The following MAGI2 variants were observed in gnomAD, a reference collection of about 807,000 sequenced individuals.
MAGI2 encodes the protein membrane associated guanylate kinase, WW and PDZ domain containing 2.
A neutral mutation model predicts 133.3 loss-of-function variants in MAGI2; 35 were observed. The observed-to-expected ratio is 0.26, with a 90% confidence interval of 0.20 to 0.35. MAGI2 has a LOEUF of 0.35. Ranked by LOEUF, MAGI2 falls within the 10% of genes least tolerant of loss-of-function variation. The pLI, the probability that MAGI2 is intolerant of heterozygous loss-of-function variation, is 1.00. For synonymous variants in MAGI2, 729 were observed against 710.6 expected, an observed-to-expected ratio of 1.03 and a Z score of -0.41; for missense variants, 1,636 against 1,863.4, an observed-to-expected ratio of 0.88 and a Z score of 2.25.
chr7:79,258,504 G>A (rs1234378482), intron 1 of MAGI2, among the ~76,000 whole-genome samples: 1 of 152,132 alleles, frequency 6.6e-6, no homozygotes, highest in East Asian at 1.9e-4. Flanking sequence ...CCAGGGGGAG[G>A]CTCTGCTCTT....
intron 2 of MAGI2, among the ~76,000 whole-genome samples, chr7:78,884,532 A>C (rs1295619499): frequency 6.6e-6 from 1 of 152,146 alleles, no homozygotes; most frequent in African/African-American, 2.4e-5. Flanking sequence ...GATAGTTCTT[A>C]AAAGAAGACA....
At chr7:79,138,057 A>G (rs546999833) in intron 1 of MAGI2, among the ~76,000 whole-genome samples, 1 of 152,312 alleles carries the variant, frequency 6.6e-6, no homozygotes, top group East Asian at 1.9e-4. Context: ...TCTGGAAGCT[A>G]GAAAAGGCAA....
At chr7:79,406,635 T>A (rs886711698) in intron 1 of MAGI2, among the ~76,000 whole-genome samples, 2 of 152,140 alleles carry the variant, frequency 1.3e-5, no homozygotes, top group African/African-American at 4.8e-5. Flanking sequence ...GGCAATATAA[T>A]CATTTTTTCA....
At chr7:78,832,113 T>C (rs1791220019) in intron 2 of MAGI2, among the ~76,000 whole-genome samples, 1 of 151,948 alleles carries the variant, frequency 6.6e-6, no homozygotes, top group Non-Finnish European at 1.5e-5. Flanking sequence ...ATATCTGAAT[T>C]AGAAACATGA....
rs549128569 is a variant in MAGI2, at chr7:79,218,577, C to T, written c.302-211371G>A. On this transcript the variant is annotated intron_variant, in intron 1 of 21. Coordinates refer to ENST00000354212, the MANE Select transcript of MAGI2 (RefSeq NM_012301.4). Reference sequence around the variant, plus strand: ...CTGTACCATTTGCACAGAGTGAAGGCTTCATGTTTATTCTTTTCTTACTCT... The same window carrying T: ...CTGTACCATTTGCACAGAGTGAAGGTTTCATGTTTATTCTTTTCTTACTCT... Among the ~76,000 whole-genome samples, 93 of 152,110 alleles carry T rather than the reference C, an allele frequency of 6.1e-4. 1 individual carries two copies. The highest frequency in any genetic ancestry group is 2.1e-3 in the African/African-American group (88 of 41,426).
chr7:78,547,860 A>G (rs1435365525), intron 3 of MAGI2, among the ~76,000 whole-genome samples: 1 of 152,212 alleles, frequency 6.6e-6, no homozygotes, highest in Non-Finnish European at 1.5e-5. Flanking sequence ...ATATTGAGTG[A>G]ACTGATGTTA....
At chr7:78,678,873 G>C (rs902254193) in intron 2 of MAGI2, among the ~76,000 whole-genome samples, 11 of 151,974 alleles carry the variant, frequency 7.2e-5, no homozygotes, top group African/African-American at 2.7e-4. Context: ...CTGAAATATA[G>C]AGAACATTGC....
At chr7:78,161,941 T>C (rs1239890830) in intron 15 of MAGI2, among the ~76,000 whole-genome samples, 1 of 152,164 alleles carries the variant, frequency 6.6e-6, no homozygotes, top group East Asian at 1.9e-4. Flanking sequence ...TTCTTTCTGT[T>C]CAAATGGAAT....
chr7:78,996,391 G>A (rs1234494129), intron 2 of MAGI2, among the ~76,000 whole-genome samples: 1 of 152,126 alleles, frequency 6.6e-6, no homozygotes, highest in Non-Finnish European at 1.5e-5. Flanking sequence ...GAAGAAAATA[G>A]CAAGCTCACA....
intron 2 of MAGI2, among the ~76,000 whole-genome samples, chr7:78,709,178 T>C (rs1818932462): frequency 6.6e-6 from 1 of 152,144 alleles, no homozygotes; most frequent in Non-Finnish European, 1.5e-5. Context: ...ACGTCTTAAC[T>C]ATGTCATACA....
At chr7:78,241,341 T>C (rs4730150) in intron 10 of MAGI2, among the ~76,000 whole-genome samples, 101,928 of 151,990 alleles carry the variant, frequency 0.67, 34,453 homozygotes, top group Admixed American at 0.73. Flanking sequence ...TTCCCAGAAT[T>C]CTGTCTCTTT....
At chr7:79,209,606 C>G (rs1829333018) in intron 1 of MAGI2, among the ~76,000 whole-genome samples, 1 of 152,018 alleles carries the variant, frequency 6.6e-6, no homozygotes, top group Non-Finnish European at 1.5e-5. Context: ...AAGGGCACAA[C>G]TAGGACAGCC....
chr7:79,397,002 A>T (rs1349948692), intron 1 of MAGI2, among the ~76,000 whole-genome samples: 1 of 151,850 alleles, frequency 6.6e-6, no homozygotes, highest in Non-Finnish European at 1.5e-5. Context: ...CTTTCTTTAT[A>T]TCCCCACTAA....
intron 10 of MAGI2, among the ~76,000 whole-genome samples, chr7:78,217,458 T>C (rs572096226): frequency 1.3e-5 from 2 of 152,350 alleles, no homozygotes; most frequent in South Asian, 2.1e-4. Flanking sequence ...CAATACTCAA[T>C]TTTTATTTCT....
At chr7:79,072,120 A>G (rs904476135) in intron 1 of MAGI2, among the ~76,000 whole-genome samples, 2 of 152,054 alleles carry the variant, frequency 1.3e-5, no homozygotes, top group Non-Finnish European at 2.9e-5. Context: ...CATGGGCTGC[A>G]CCCACTGTCC....
intron 20 of MAGI2, among the ~76,000 whole-genome samples, chr7:78,085,581 CAA>C (rs1491208771): frequency 0.13 from 18,750 of 143,862 alleles, 1,612 homozygotes; most frequent in African/African-American, 0.27. Context: ...CACACACACA[CAA>C]ACAAAACAAA....
At chr7:79,122,506 G>A (rs1006123155) in intron 1 of MAGI2, among the ~76,000 whole-genome samples, 9 of 152,092 alleles carry the variant, frequency 5.9e-5, no homozygotes, top group African/African-American at 2.2e-4. Flanking sequence ...ACGCTTTTCA[G>A]TTGATACATA....
chr7:79,378,960 ATATATATATATT>A (rs1843584851), intron 1 of MAGI2, among the ~76,000 whole-genome samples: 1 of 74,484 alleles, frequency 1.3e-5, no homozygotes, highest in African/African-American at 5.4e-5. Context: ...ATATATATAT[ATATATATATATT>A]AAACTTTAAG....
At chr7:78,609,867 TCCTCTCTTAG>T (rs1806251438) in intron 3 of MAGI2, among the ~76,000 whole-genome samples, 1 of 152,136 alleles carries the variant, frequency 6.6e-6, no homozygotes, top group African/African-American at 2.4e-5. Context: ...ACACTGTAAC[TCCTCTCTTAG>T]CCTCTTGAAT....
Sources: allele counts gnomAD v4.1 joint callset (sites outside exome capture counted in the v4.1 genomes callset), GRCh38; gene constraint gnomAD v4.1.1; transcripts MANE v1.5; gene names NCBI Gene and HGNC (gene_info 2026-07-23, HGNC 2026-07-21).